The following TFEC variants were observed in gnomAD, a reference collection of about 807,000 sequenced individuals.
TFEC encodes the protein transcription factor EC.
TFEC carries 31 observed loss-of-function variants against 41.6 expected under a neutral mutation model. The observed-to-expected ratio is 0.74, with a 90% CI of 0.56 to 1.01. The LOEUF (loss-of-function observed/expected upper bound fraction) is 1.01, where lower values mean the gene tolerates loss of function less well. TFEC is among the 50% of genes least tolerant of loss of function. The probability of loss-of-function intolerance (pLI) is 0.00; values close to 1 mark genes in which losing one functional copy is unlikely to be tolerated. For synonymous variants in TFEC, 143 were observed against 140.6 expected (o/e 1.02, Z -0.12); for missense variants, 402 against 404.1 (o/e 0.99, Z 0.04).
intron 3 of TFEC, among the ~76,000 whole-genome samples, chr7:116,062,699 T>C (rs1329095629): frequency 6.6e-6 from 1 of 151,578 alleles, no homozygotes; most frequent in East Asian, 1.9e-4. Flanking sequence ...CAAATATAGT[T>C]TTTGTATAAT....
intron 3 of TFEC, among the ~76,000 whole-genome samples, chr7:116,037,919 T>G (rs538768909): frequency 2.0e-5 from 3 of 152,174 alleles, no homozygotes; most frequent in South Asian, 4.1e-4. Context: ...CATATCACTA[T>G]ACAATTGCAA....
chr7:116,117,959 C>T (rs888841964), intron 1 of TFEC, among the ~76,000 whole-genome samples: 8 of 151,792 alleles, frequency 5.3e-5, no homozygotes, highest in Non-Finnish European at 1.2e-4. Context: ...GTGGACACCA[C>T]CGGCCTGAAA....
chr7:115,994,276 C>T (rs1158086766), intron 1 of TFEC, among the ~76,000 whole-genome samples: 3 of 152,062 alleles, frequency 2.0e-5, no homozygotes, highest in Non-Finnish European at 4.4e-5. Flanking sequence ...TAGGCAATAC[C>T]ATTCAGGACA....
chr7:116,053,424 C>A lies in TFEC; in HGVS notation c.198+57284G>T, dbSNP rs145604999. 3.1e-3 allele frequency among the ~76,000 whole-genome samples: 465 copies of A among 152,266 alleles called. 2 individuals are homozygous for A. Among genetic ancestry groups the A allele is most frequent in the East Asian group, 0.014 (72 of 5,186 alleles). On this transcript the variant is annotated intron_variant, in intron 3 of 8. Coordinates refer to the TFEC transcript ENST00000484212. ...GAGGATAATAATGCTGCTGCTGCTG[C>A]TGATGATGACAAAAGCTAGCCTTAT...
At chr7:115,959,685 T>C (rs1235206200) in intron 3 of TFEC, among the ~76,000 whole-genome samples, 1 of 150,062 alleles carries the variant, frequency 6.7e-6, no homozygotes, top group Non-Finnish European at 1.5e-5. Context: ...ATATGAGAAA[T>C]AGAATGCTTA....
chr7:115,947,662 G>A (rs1386268380), intron 6 of TFEC, among the ~76,000 whole-genome samples: 1 of 151,352 alleles, frequency 6.6e-6, no homozygotes, highest in Non-Finnish European at 1.5e-5. Context: ...GCATTTCTCT[G>A]ATGGCCAGTG....
At chr7:116,080,488 AAAC>A (rs1364460135) in intron 3 of TFEC, among the ~76,000 whole-genome samples, 8 of 152,012 alleles carry the variant, frequency 5.3e-5, no homozygotes, top group African/African-American at 1.2e-4. Context: ...AAAAAACAAA[AAAC>A]AACAACAACA....
chr7:116,028,031 C>T (rs1036491591), intron 1 of TFEC, among the ~76,000 whole-genome samples: 1 of 152,196 alleles, frequency 6.6e-6, no homozygotes, highest in Non-Finnish European at 1.5e-5. Flanking sequence ...AGGGCTTTCT[C>T]GCCTTGACCA....
intron 1 of TFEC, among the ~76,000 whole-genome samples, chr7:116,006,023 G>C (rs988059384): frequency 4.5e-4 from 68 of 152,328 alleles, no homozygotes; most frequent in African/African-American, 1.6e-3. Flanking sequence ...CAAGAATTGA[G>C]GTTTGGGAAC....
rs118118060 is a variant in TFEC, at chr7:116,088,702, T to C, written c.198+22006A>G. Among the ~76,000 whole-genome samples the C allele has an allele frequency of 2.2e-4, 33 of 152,258 alleles. No homozygotes were observed. In the East Asian group the frequency reaches 6.2e-3, roughly 28 times the overall value. ...GTACTTATGATTAGGTTTTTTAACA[T>C]AAATGAGAAGCTTAACATTCACATT... is the stretch of plus-strand genomic sequence containing the variant. On this transcript the variant is annotated intron_variant, in intron 3 of 8. Transcript: ENST00000484212.
intron 1 of TFEC, among the ~76,000 whole-genome samples, chr7:116,135,639 C>A (rs1798419032): frequency 6.6e-6 from 1 of 152,148 alleles, no homozygotes; most frequent in African/African-American, 2.4e-5. Flanking sequence ...GCATGCACTT[C>A]TACCCTCTTT....
intron 3 of TFEC, among the ~76,000 whole-genome samples, chr7:115,964,067 C>T (rs1161049284): frequency 6.6e-6 from 1 of 151,488 alleles, no homozygotes; most frequent in Non-Finnish European, 1.5e-5. Context: ...ACAAAAGCTA[C>T]CCACATTGGA....
At chr7:116,027,214 G>A (rs759056168) in intron 1 of TFEC, among the ~76,000 whole-genome samples, 9 of 152,074 alleles carry the variant, frequency 5.9e-5, no homozygotes, top group African/African-American at 1.4e-4. Context: ...TTTTGGGAGC[G>A]TGAGGAAAGA....
intron 1 of TFEC, among the ~76,000 whole-genome samples, chr7:115,998,330 C>CA (rs1391744281): frequency 6.6e-6 from 1 of 151,160 alleles, no homozygotes; most frequent in Non-Finnish European, 1.5e-5. Flanking sequence ...AGCAGATACA[C>CA]AAAAAAGAAA....
chr7:116,122,975 T>A (rs959204292), intron 1 of TFEC, among the ~76,000 whole-genome samples: 1 of 150,646 alleles, frequency 6.6e-6, no homozygotes, highest in East Asian at 2.0e-4. Flanking sequence ...GCGTGAGAAC[T>A]GAGATCTACA....
chr7:115,998,247 ACTTACC>A (rs1794445606), intron 1 of TFEC, among the ~76,000 whole-genome samples: 1 of 152,138 alleles, frequency 6.6e-6, no homozygotes, highest in African/African-American at 2.4e-5. Flanking sequence ...GTTGTCATCA[ACTTACC>A]TATTTAAACA....
intron 6 of TFEC, among the ~76,000 whole-genome samples, chr7:115,949,128 A>G (rs1791780868): frequency 6.6e-6 from 1 of 152,180 alleles, no homozygotes; most frequent in African/African-American, 2.4e-5. Context: ...AATACCTAGG[A>G]ATCCAACTTA....
At chr7:115,950,000 G>A (rs1791842376) in intron 6 of TFEC, among the ~76,000 whole-genome samples, 1 of 144,416 alleles carries the variant, frequency 6.9e-6, no homozygotes, top group Non-Finnish European at 1.5e-5. Context: ...TAATGCTACA[G>A]ATTCCATGTT....
intron 3 of TFEC, among the ~76,000 whole-genome samples, chr7:115,961,477 A>G (rs573478375): frequency 6.6e-6 from 1 of 151,646 alleles, no homozygotes; most frequent in Non-Finnish European, 1.5e-5. Context: ...GAATTATATA[A>G]ATTAACCATC....
Sources: gnomAD v4.1 joint callset for allele counts (sites outside exome capture counted in the v4.1 genomes callset) on GRCh38, gnomAD v4.1.1 for gene constraint, MANE v1.5 for transcripts, NCBI Gene and HGNC (gene_info 2026-07-23, HGNC 2026-07-21) for gene names.